SLC24A2: variants seen among roughly 807,000 people sequenced by gnomAD.
SLC24A2 encodes the protein sodium/potassium/calcium exchanger 2.
SLC24A2 carries 36 observed loss-of-function variants against 62.0 expected under a neutral mutation model. That is an observed-to-expected ratio of 0.58 (90% confidence interval 0.44 to 0.77). The LOEUF (loss-of-function observed/expected upper bound fraction) is 0.77. SLC24A2 is among the 30% of genes least tolerant of loss of function. The probability of loss-of-function intolerance (pLI) is 0.00; values close to 1 mark genes in which losing one functional copy is unlikely to be tolerated. For synonymous variants in SLC24A2, 358 were observed against 294.0 expected, an observed-to-expected ratio of 1.22 and a Z score of -2.23; for missense variants, 846 against 817.9, an observed-to-expected ratio of 1.03 and a Z score of -0.42.
the SLC24A2 span, among the ~76,000 whole-genome samples, chr9:19,871,181 A>T: frequency 6.6e-6 from 1 of 152,122 alleles, no homozygotes; most frequent in African/African-American, 2.4e-5. Flanking sequence ...CATTCTTTGA[A>T]CATGTAATTC....
intron 2 of SLC24A2, among the ~76,000 whole-genome samples, chr9:19,687,360 G>T (rs945917024): frequency 6.6e-6 from 1 of 152,090 alleles, no homozygotes; most frequent in African/African-American, 2.4e-5. Flanking sequence ...CACCCCTTGT[G>T]TACATAGTCC....
At position 19,786,184 on chromosome 9, in the gene SLC24A2, C is replaced by G. The variant is rs758423198; in HGVS notation, c.683G>C (p.Arg228Thr). ...FVIGMCALFS[R>T]EILNLTWWPL... ...CCACCATGTCAGGTTTAAGATTTCTCTAGAAAACAGAGCACACATGCCAAT... is the reference window on the plus strand; with the variant it reads ...CCACCATGTCAGGTTTAAGATTTCTGTAGAAAACAGAGCACACATGCCAAT... The change falls in exon 2 of 11, where the codon AGA becomes ACA. Residue 228 changes from arginine to threonine, a missense_variant. Physicochemically the swap from Arg to Thr is moderately conservative, Grantham distance 71. Transcript: ENST00000341998. This position sits in a 1 kb window ranked among gnomAD's most constrained non-coding sequence, Gnocchi z 5.0. 9 of 1,614,132 alleles carry G rather than the reference C, an allele frequency of 5.6e-6. No homozygotes were observed. The Admixed American group carries it at 1.5e-4, about 27-fold the overall frequency.
At chr9:19,540,401 G>T (rs2132704579) in intron 8 of SLC24A2, among the ~76,000 whole-genome samples, 1 of 147,102 alleles carries the variant, frequency 6.8e-6, no homozygotes, top group South Asian at 2.2e-4. Context: ...GGCAGGCCTG[G>T]TGGTGACAAA....
the SLC24A2 span, among the ~76,000 whole-genome samples, chr9:20,263,867 C>G: frequency 9.1e-6 from 1 of 109,562 alleles, no homozygotes. Flanking sequence ...ACCCGCCCCC[C>G]CCCCCCCATT....
chr9:20,273,265 T>C, the SLC24A2 span, among the ~76,000 whole-genome samples: 4 of 152,214 alleles, frequency 2.6e-5, no homozygotes, highest in African/African-American at 9.6e-5. Context: ...AAAAGAATTT[T>C]CTGACCTGCT....
chr9:19,516,807 G>GA (rs1315107868), intron 10 of SLC24A2, among the ~76,000 whole-genome samples: 1 of 152,142 alleles, frequency 6.6e-6, no homozygotes, highest in African/African-American at 2.4e-5. Flanking sequence ...AAAAGGCACA[G>GA]AAATGAGTGG....
At chr9:20,207,873 C>A in the SLC24A2 span, among the ~76,000 whole-genome samples, 1 of 152,190 alleles carries the variant, frequency 6.6e-6, no homozygotes, top group Non-Finnish European at 1.5e-5. Flanking sequence ...AAACAAGCTA[C>A]ATGCACAAGT....
the SLC24A2 span, among the ~76,000 whole-genome samples, chr9:20,181,322 C>CCACCAG: frequency 3.5e-4 from 53 of 152,028 alleles, no homozygotes; most frequent in African/African-American, 1.1e-3. Flanking sequence ...ATTTTAAAGT[C>CCACCAG]CACCAGCACT....
the SLC24A2 span, among the ~76,000 whole-genome samples, chr9:19,979,273 G>A: frequency 1.3e-5 from 2 of 152,176 alleles, no homozygotes; most frequent in African/African-American, 4.8e-5. Flanking sequence ...GTGTGTCTGA[G>A]GTGGTGCCTG....
chr9:19,563,616 T>C (rs1360546849), intron 7 of SLC24A2, among the ~76,000 whole-genome samples: 1 of 152,208 alleles, frequency 6.6e-6, no homozygotes. Flanking sequence ...TCTAAAATCA[T>C]AGCTGCAACT....
intron 2 of SLC24A2, among the ~76,000 whole-genome samples, chr9:19,636,318 T>TCCTTTCTTTTCTTTTCTTTTC (rs573300887): frequency 3.1e-5 from 1 of 32,220 alleles, no homozygotes. Flanking sequence ...TCTTTTCTTT[T>TCCTTTCTTTTCTTTTCTTTTC]CTTTCTTTCT....
chr9:19,518,818 T>C (rs1051197986), intron 10 of SLC24A2, among the ~76,000 whole-genome samples: 1 of 152,176 alleles, frequency 6.6e-6, no homozygotes. Flanking sequence ...ACTTAATATA[T>C]TGCAATGACA....
the SLC24A2 span, among the ~76,000 whole-genome samples, chr9:19,843,733 G>A: frequency 6.6e-6 from 1 of 152,012 alleles, no homozygotes; most frequent in Admixed American, 6.6e-5. Flanking sequence ...TTATGTCCAT[G>A]AGTCAATGTT....
chr9:19,568,786 A>T (rs1365099301), intron 7 of SLC24A2, among the ~76,000 whole-genome samples: 1 of 152,174 alleles, frequency 6.6e-6, no homozygotes, highest in Non-Finnish European at 1.5e-5. Flanking sequence ...AGGTAATGCA[A>T]TTGCCTGGTT....
At chr9:19,683,988 C>T (rs1008446404) in intron 2 of SLC24A2, among the ~76,000 whole-genome samples, 18 of 152,178 alleles carry the variant, frequency 1.2e-4, no homozygotes, top group African/African-American at 4.3e-4. Flanking sequence ...AAGAAACTTC[C>T]TGCTTAATTT....
intron 8 of SLC24A2, among the ~76,000 whole-genome samples, chr9:19,534,870 A>T (rs763586772): frequency 1.1e-4 from 16 of 152,154 alleles, no homozygotes; most frequent in Non-Finnish European, 1.9e-4. Flanking sequence ...TTGGGTATAT[A>T]CCCAGTAATG....
intron 7 of SLC24A2, among the ~76,000 whole-genome samples, chr9:19,561,801 T>C (rs1835418120): frequency 6.6e-6 from 1 of 151,982 alleles, no homozygotes; most frequent in South Asian, 2.1e-4. Flanking sequence ...CCCTTTATAA[T>C]ACCATCATAT....
the SLC24A2 span, among the ~76,000 whole-genome samples, chr9:20,079,763 T>C: frequency 6.6e-6 from 1 of 152,204 alleles, no homozygotes; most frequent in Non-Finnish European, 1.5e-5. Context: ...ATGCTTGTGA[T>C]TTTTGCACAT....
At chr9:20,145,562 T>TA in the SLC24A2 span, among the ~76,000 whole-genome samples, 34 of 151,250 alleles carry the variant, frequency 2.2e-4, 1 homozygote, top group Admixed American at 1.5e-3. Flanking sequence ...TTCTTTTTTT[T>TA]AAAAAAAAGT....
Sources: gnomAD v4.1 joint callset for allele counts (sites outside exome capture counted in the v4.1 genomes callset) on GRCh38, gnomAD v4.1.1 for gene constraint, Gnocchi (gnomAD v3.1) non-coding constraint, MANE v1.5 for transcripts, NCBI Gene and HGNC (gene_info 2026-07-23, HGNC 2026-07-21) for gene names.